The following RGS17 variants were observed in gnomAD, a reference collection of about 807,000 sequenced individuals.
RGS17 encodes the protein regulator of G protein signaling 17.
RGS17 carries 12 observed loss-of-function variants against 25.5 expected under a neutral mutation model. The observed-to-expected ratio is 0.47, with a 90% confidence interval of 0.30 to 0.76. RGS17 has a LOEUF of 0.76. RGS17 is among the 30% of genes least tolerant of loss of function. The pLI, the probability that RGS17 is intolerant of heterozygous loss-of-function variation, is 0.07. For missense variants in RGS17, 196 were observed against 242.2 expected (o/e 0.81, Z 1.27); for synonymous variants, 71 against 76.9 (o/e 0.92, Z 0.40).
chr6:153,089,469 G>A (rs1218739039), intron 1 of RGS17, among the ~76,000 whole-genome samples: 1 of 152,088 alleles, frequency 6.6e-6, no homozygotes, highest in Non-Finnish European at 1.5e-5. Context: ...TTAGGAAGTG[G>A]TCCAGTCATT....
At chr6:153,039,854 C>T (rs1776300689) in intron 2 of RGS17, among the ~76,000 whole-genome samples, 2 of 152,310 alleles carry the variant, frequency 1.3e-5, no homozygotes, top group South Asian at 2.1e-4. Flanking sequence ...CACTGCTTCA[C>T]GCTGTCCTGA....
At position 153,007,810 on chromosome 6, in the gene RGS17, C is replaced by CA. The variant is rs2129104426; in HGVS notation, c.*3763dup. The stretch of plus-strand genomic sequence containing the variant: ...TTCACCATGTTGGCCAGTCTGGTCT[C>CA]AAACTCCTGAGCTCAAGTGATCCGC... On this transcript the variant is annotated 3_prime_UTR_variant, in exon 5 of 5. Transcript: ENST00000206262. 6.6e-6 allele frequency: 1 copy of CA among 152,282 alleles called. No homozygotes were observed. Among genetic ancestry groups the CA allele is most frequent in the South Asian group, 2.1e-4 (1 of 4,826 alleles). The allele number at this position is 152,282 out of a possible 1,614,324, so 9.4% of individuals were successfully genotyped here. A position where few individuals can be genotyped will look rare whatever the true frequency, so the allele number is the denominator to read the frequency against.
chr6:153,128,910 G>T lies in RGS17; in HGVS notation c.-26+2214C>A, dbSNP rs529930874. ...CTCTCCTTGTTAATTCCCTTCCGTG[G>T]GGACTAAACGCCAAGGAGTAGTTGC... On this transcript the variant is annotated intron_variant, in intron 1 of 4. Coordinates refer to ENST00000206262, the MANE Select transcript of RGS17 (RefSeq NM_012419.5). 2.7e-3 allele frequency among the ~76,000 whole-genome samples: 409 copies of T among 152,248 alleles called. 4 individuals are homozygous for T. Among genetic ancestry groups the T allele is most frequent in the African/African-American group, 9.3e-3 (388 of 41,538 alleles).
chr6:153,081,316 C>T (rs773121899), intron 1 of RGS17, among the ~76,000 whole-genome samples: 2 of 152,022 alleles, frequency 1.3e-5, no homozygotes, highest in Non-Finnish European at 2.9e-5. Context: ...GTTATGTCTT[C>T]TTGATTAAAT....
rs563416984 is a variant in RGS17 at position 153,042,827 on chromosome 6, C to T, written c.119+1073G>A. 3.9e-5 allele frequency among the ~76,000 whole-genome samples: 6 copies of T among 152,222 alleles called. No homozygotes were observed. In the East Asian group the frequency reaches 9.7e-4, roughly 25 times the overall value. The stretch of plus-strand genomic sequence containing the variant: ...CCTTCTTTTGGCCACAATGATACAA[C>T]ATTTTGTCATATCAAAAAAGAAACC... On this transcript the variant is annotated intron_variant, in intron 2 of 4. Transcript: ENST00000206262.
At chr6:153,123,554 T>C (rs1010278735) in intron 1 of RGS17, among the ~76,000 whole-genome samples, 1 of 152,156 alleles carries the variant, frequency 6.6e-6, no homozygotes, top group Non-Finnish European at 1.5e-5. Flanking sequence ...GATTTAGAAA[T>C]TGCCCTAGTG....
chr6:153,056,615 A>C (rs889182572), intron 1 of RGS17, among the ~76,000 whole-genome samples: 1 of 152,140 alleles, frequency 6.6e-6, no homozygotes, highest in Non-Finnish European at 1.5e-5. Flanking sequence ...TTAGACAGAA[A>C]ATCTCTCTTG....
At chr6:153,094,967 A>C (rs1777189300) in intron 1 of RGS17, among the ~76,000 whole-genome samples, 1 of 152,182 alleles carries the variant, frequency 6.6e-6, no homozygotes. Flanking sequence ...TAATCTTCAT[A>C]CATAAAAGAA....
At chr6:153,129,745 ACT>A (rs1487015035) in intron 1 of RGS17, among the ~76,000 whole-genome samples, 8 of 152,222 alleles carry the variant, frequency 5.3e-5, no homozygotes, top group African/African-American at 1.9e-4. Context: ...GAAAGAAATA[ACT>A]CTGAAGAGTG....
At chr6:153,019,586 T>C (rs625945) in intron 4 of RGS17, among the ~76,000 whole-genome samples, 2 of 151,960 alleles carry the variant, frequency 1.3e-5, no homozygotes, top group Non-Finnish European at 2.9e-5. Flanking sequence ...CTGTCCTTGA[T>C]ATAGTGAGTG....
chr6:153,115,994 A>ATTTTAT (rs1777538065), intron 1 of RGS17, among the ~76,000 whole-genome samples: 1 of 152,246 alleles, frequency 6.6e-6, no homozygotes, highest in African/African-American at 2.4e-5. Context: ...AGGCAATACC[A>ATTTTAT]TTCAGGATAT....
intron 1 of RGS17, among the ~76,000 whole-genome samples, chr6:153,114,503 C>G (rs1316349648): frequency 2.0e-5 from 3 of 152,110 alleles, no homozygotes; most frequent in East Asian, 3.9e-4. Flanking sequence ...ACCAGAGATA[C>G]AAAGAGGAGC....
Position 153,009,260 on chromosome 6 carries a change from A to T in RGS17, c.*2314T>A, listed in dbSNP as rs1221446783. 6.6e-6 allele frequency: 1 copy of T among 152,126 alleles called. No individual in the cohort carries two copies. The highest frequency in any genetic ancestry group is 1.5e-5 in the Non-Finnish European group (1 of 67,964). 9.4% of individuals were successfully genotyped at this position (152,126 alleles called of 1,614,324 possible). ...GTAACAACGAGAATATAAAGTCTAC[A>T]TTTAAAAAGATGGATGCATGCAGTG... is the stretch of plus-strand genomic sequence containing the variant. On this transcript the variant is annotated 3_prime_UTR_variant, in exon 5 of 5. Coordinates refer to ENST00000206262, the MANE Select transcript of RGS17 (RefSeq NM_012419.5).
intron 1 of RGS17, among the ~76,000 whole-genome samples, chr6:153,091,962 T>C (rs1020119629): frequency 2.0e-5 from 3 of 152,170 alleles, no homozygotes. Flanking sequence ...AGCCACGAGC[T>C]TTTTAGATAA....
intron 1 of RGS17, among the ~76,000 whole-genome samples, chr6:153,083,583 C>A (rs991529284): frequency 6.6e-5 from 10 of 152,090 alleles, no homozygotes; most frequent in African/African-American, 2.4e-4. Flanking sequence ...GGACACAATT[C>A]ATTAACTTTT....
chr6:153,008,362 T>G lies in RGS17; in HGVS notation c.*3212A>C, dbSNP rs970659785. ...AAAAACATCACATTATGGTCTTGAC[T>G]TCTGCATTTCGTAACTTTAGTATCA... On this transcript the variant is annotated 3_prime_UTR_variant, in exon 5 of 5. Coordinates refer to ENST00000206262, the MANE Select transcript of RGS17 (RefSeq NM_012419.5). The G allele has an allele frequency of 6.6e-6, 1 of 152,102 alleles. No individual in the cohort carries two copies. The highest frequency in any genetic ancestry group is 2.4e-5 in the African/African-American group (1 of 41,426). The allele number at this position is 152,102 out of a possible 1,614,324, so 9.4% of individuals were successfully genotyped here. A position where few individuals can be genotyped will look rare whatever the true frequency, so the allele number is the denominator to read the frequency against.
chr6:153,078,556 T>C (rs1159968182), intron 1 of RGS17, among the ~76,000 whole-genome samples: 2 of 151,864 alleles, frequency 1.3e-5, no homozygotes, highest in African/African-American at 4.8e-5. Context: ...AGAAACAATA[T>C]AAACTTACAA....
In RGS17 at chr6:153,026,521, T is replaced by G; in HGVS notation, c.142A>C (p.Arg48=). 6.2e-7 allele frequency: 1 copy of G among 1,613,370 alleles called. No individual in the cohort carries two copies. The highest frequency in any genetic ancestry group is 2.2e-5 in the East Asian group (1 of 44,820). Residue 48 remains arginine, a synonymous_variant, in exon 3 of 5, where the codon AGA becomes CGA. Coordinates refer to ENST00000206262, the MANE Select transcript of RGS17 (RefSeq NM_012419.5). ...GTGGGTCTTCCCGCATTTTCCCCTC[T>G]TTCTTCATTCCTCACAGTGAGGCTG... ...CSCLTVRNEE[R]GENAGRPTHT... is the part of the protein sequence containing the mutation.
At chr6:153,098,500 T>C (rs543494015) in intron 1 of RGS17, among the ~76,000 whole-genome samples, 11 of 152,328 alleles carry the variant, frequency 7.2e-5, no homozygotes, top group African/African-American at 2.6e-4. Context: ...TTTGCTTGTC[T>C]CCTTCTTATA....
Sources: allele counts gnomAD v4.1 joint callset (sites outside exome capture counted in the v4.1 genomes callset), GRCh38; gene constraint gnomAD v4.1.1; transcripts MANE v1.5; gene names NCBI Gene and HGNC (gene_info 2026-07-23, HGNC 2026-07-21).